The following ALK variants were observed in gnomAD, a reference collection of about 807,000 sequenced individuals.
The protein encoded by ALK is ALK tyrosine kinase receptor.
Under a neutral mutation model 163.1 loss-of-function variants are expected in ALK, and 74 were observed. The ratio of observed to expected loss-of-function variants is 0.45; its 90% CI spans 0.38 to 0.55. The LOEUF (loss-of-function observed/expected upper bound fraction) is 0.55. Ranked by LOEUF, ALK falls within the 20% of genes least tolerant of loss-of-function variation. The pLI, the probability that ALK is intolerant of heterozygous loss-of-function variation, is 0.00. For synonymous variants in ALK, 960 were observed against 843.2 expected, an observed-to-expected ratio of 1.14 and a Z score of -2.40; for missense variants, 2,063 against 2,105.3, an observed-to-expected ratio of 0.98 and a Z score of 0.39.
chr2:29,354,510 G>A (rs748860650), intron 5 of ALK, among the ~76,000 whole-genome samples: 18 of 152,142 alleles, frequency 1.2e-4, no homozygotes, highest in Non-Finnish European at 2.2e-4. Flanking sequence ...CAGGAGAGCA[G>A]AGCAGCACCC....
At chr2:29,890,134 C>T (rs1667107427) in intron 1 of ALK, among the ~76,000 whole-genome samples, 1 of 152,188 alleles carries the variant, frequency 6.6e-6, no homozygotes. Flanking sequence ...ACTCTATGCC[C>T]TCTGCCCCTT....
chr2:29,437,253 T>A (rs545342442), intron 4 of ALK, among the ~76,000 whole-genome samples: 31 of 152,146 alleles, frequency 2.0e-4, no homozygotes, highest in Non-Finnish European at 4.1e-4. Flanking sequence ...CTCTTAGATA[T>A]GCTGAGTACA....
rs76337643 is a variant in ALK, at chr2:29,581,640, G to A, written c.953-49524C>T. Among the ~76,000 whole-genome samples the A allele has an allele frequency of 2.0e-5, 3 of 152,260 alleles. No individual in the cohort carries two copies. In the East Asian group the frequency reaches 5.8e-4, roughly 29 times the overall value. On this transcript the variant is annotated intron_variant, in intron 3 of 28. Coordinates refer to ENST00000389048, the MANE Select transcript of ALK (RefSeq NM_004304.5). ...CCTTGAGGCCTGTATTGCCCGTCTT[G>A]GCTAAAGAAGTGGGAGTTGCTTGCA...
chr2:29,221,996 AG>A (rs1669817253), intron 22 of ALK, among the ~76,000 whole-genome samples: 1 of 152,206 alleles, frequency 6.6e-6, no homozygotes, highest in Non-Finnish European at 1.5e-5. Context: ...GGATTGGTGA[AG>A]GGTCTTGGAG....
chr2:29,616,604 C>T (rs1357873450), intron 3 of ALK, among the ~76,000 whole-genome samples: 1 of 152,286 alleles, frequency 6.6e-6, no homozygotes, highest in African/African-American at 2.4e-5. Flanking sequence ...GCATGGCAAC[C>T]TCTGAAATTC....
Position 29,690,074 on chromosome 2 carries a change from A to C in ALK, c.952+4776T>G, listed in dbSNP as rs536994486. On this transcript the variant is annotated intron_variant, in intron 3 of 28. Transcript: ENST00000389048. ...CATCCGGTTTGTAAGAATTTGTTAAAACAGCCACAGGAAACTAATACACAA... is the reference window on the plus strand; with the variant it reads ...CATCCGGTTTGTAAGAATTTGTTAACACAGCCACAGGAAACTAATACACAA... Among the ~76,000 whole-genome samples, 9 of 152,326 alleles carry C rather than the reference A, an allele frequency of 5.9e-5. No individual in the cohort carries two copies. The East Asian group carries it at 1.7e-3, about 29-fold the overall frequency.
At chr2:29,856,696 A>G (rs1278415701) in intron 1 of ALK, among the ~76,000 whole-genome samples, 1 of 152,088 alleles carries the variant, frequency 6.6e-6, no homozygotes, top group East Asian at 1.9e-4. Context: ...GACTGAAGGG[A>G]TGAGTGGGTG....
intron 4 of ALK, among the ~76,000 whole-genome samples, chr2:29,444,106 C>A (rs975079333): frequency 1.3e-5 from 2 of 152,144 alleles, no homozygotes; most frequent in African/African-American, 4.8e-5. Context: ...AACGTGATTG[C>A]CATTGGAATG....
intron 3 of ALK, among the ~76,000 whole-genome samples, chr2:29,648,643 C>A (rs1676953184): frequency 6.6e-6 from 1 of 152,134 alleles, no homozygotes; most frequent in Non-Finnish European, 1.5e-5. Context: ...CATTTAGCAT[C>A]ATTATTTCAA....
Position 29,632,163 on chromosome 2 carries a change from T to A in ALK, c.952+62687A>T, listed in dbSNP as rs4552149. The stretch of plus-strand genomic sequence containing the variant: ...ACTCCCAGAGGGCATGCCTACGTGC[T>A]GTCTGGTGCAGAGCTTTGCACAAAG... On this transcript the variant is annotated intron_variant, in intron 3 of 28. Coordinates refer to ENST00000389048, the MANE Select transcript of ALK (RefSeq NM_004304.5). Among the ~76,000 whole-genome samples, 17 of 152,136 alleles carry A rather than the reference T, an allele frequency of 1.1e-4. No individual in the cohort carries two copies. The South Asian group carries it at 2.3e-3, about 20-fold the overall frequency.
At chr2:29,765,546 A>C (rs1680837329) in intron 1 of ALK, among the ~76,000 whole-genome samples, 1 of 152,162 alleles carries the variant, frequency 6.6e-6, no homozygotes, top group African/African-American at 2.4e-5. Flanking sequence ...TCGTGGGCTC[A>C]AGTGATCCTT....
chr2:29,272,450 T>TG (rs1665418038), intron 11 of ALK, among the ~76,000 whole-genome samples: 1 of 152,342 alleles, frequency 6.6e-6, no homozygotes, highest in African/African-American at 2.4e-5. Flanking sequence ...TCCATGGGCC[T>TG]GGAGGTGAAG....
chr2:29,405,754 T>G (rs1669566586), intron 4 of ALK, among the ~76,000 whole-genome samples: 1 of 152,148 alleles, frequency 6.6e-6, no homozygotes, highest in South Asian at 2.1e-4. Context: ...TAATGGAAAT[T>G]TAAATACTTC....
At chr2:29,586,594 T>A (rs1184215828) in intron 3 of ALK, among the ~76,000 whole-genome samples, 1 of 152,158 alleles carries the variant, frequency 6.6e-6, no homozygotes, top group Non-Finnish European at 1.5e-5. Flanking sequence ...ATCTCCAAGC[T>A]CCTCTGGGAT....
chr2:29,277,157 G>A (rs966092525), intron 9 of ALK, among the ~76,000 whole-genome samples: 2 of 152,178 alleles, frequency 1.3e-5, no homozygotes, highest in African/African-American at 4.8e-5. Context: ...CAAGAAATGG[G>A]ATGTCAACAG....
At chr2:29,538,558 C>G (rs909015854) in intron 3 of ALK, among the ~76,000 whole-genome samples, 6 of 152,140 alleles carry the variant, frequency 3.9e-5, no homozygotes, top group Non-Finnish European at 8.8e-5. Flanking sequence ...AACCATGAGC[C>G]AATTACACCT....
intron 3 of ALK, among the ~76,000 whole-genome samples, chr2:29,619,131 G>C (rs1675951024): frequency 6.6e-6 from 1 of 152,290 alleles, no homozygotes; most frequent in South Asian, 2.1e-4. Flanking sequence ...AAATATTTAA[G>C]TTTAGCTAGC....
rs1276624056 is a variant in ALK, at chr2:29,355,153, C to T, written c.1283-26672G>A. 3.9e-5 allele frequency among the ~76,000 whole-genome samples: 6 copies of T among 152,182 alleles called. No individual in the cohort carries two copies. In the East Asian group the frequency reaches 1.2e-3, roughly 29 times the overall value. ...CCAAGGTGTTTGGCCGACTCATGAG[C>T]ATTTAGCTACTTCACAGTTGAGTAG... On this transcript the variant is annotated intron_variant, in intron 5 of 28. Transcript: ENST00000389048.
intron 3 of ALK, among the ~76,000 whole-genome samples, chr2:29,672,776 A>G (rs1171814523): frequency 6.7e-6 from 1 of 150,068 alleles, no homozygotes; most frequent in African/African-American, 2.5e-5. Context: ...GGGTTGAACT[A>G]GTTTACAGTC....
Sources: gnomAD v4.1 joint callset for allele counts (sites outside exome capture counted in the v4.1 genomes callset) on GRCh38, gnomAD v4.1.1 for gene constraint, MANE v1.5 for transcripts, NCBI Gene and HGNC (gene_info 2026-07-23, HGNC 2026-07-21) for gene names.